Variants in AVL9 observed in about 807,000 individuals in gnomAD.
The protein encoded by AVL9 is AVL9 cell migration associated, also known as late secretory pathway protein AVL9 homolog.
A neutral mutation model predicts 79.2 loss-of-function variants in AVL9; 49 were observed. The ratio of observed to expected loss-of-function variants is 0.62; its 90% CI spans 0.49 to 0.79. AVL9 has a LOEUF of 0.79. Ranked by LOEUF, AVL9 falls within the 30% of genes least tolerant of loss-of-function variation. AVL9 has a pLI of 0.00. For synonymous variants in AVL9, 299 were observed against 280.6 expected (o/e 1.07, Z -0.65); for missense variants, 682 against 776.8 (o/e 0.88, Z 1.45).
intron 13 of AVL9, among the ~76,000 whole-genome samples, chr7:32,578,910 T>C (rs1318475209): frequency 6.6e-6 from 1 of 152,120 alleles, no homozygotes; most frequent in Non-Finnish European, 1.5e-5. Flanking sequence ...CTTTAACTCC[T>C]AAAGATTAGG....
At position 32,585,425 on chromosome 7, in the gene AVL9, C is replaced by G. The variant is rs921918224; in HGVS notation, c.*1518C>G. On this transcript the variant is annotated 3_prime_UTR_variant, in exon 16 of 16. Transcript: ENST00000318709. ...ACACAGCTGGACCTCGTGTGTTTGC[C>G]ATGCTCAGCTCTCATTTGCTTTTCA... The G allele has an allele frequency of 3.9e-5, 6 of 152,168 alleles. No individual in the cohort carries two copies. Among genetic ancestry groups the G allele is most frequent in the Non-Finnish European group, 5.9e-5 (4 of 68,044 alleles). The allele number at this position is 152,168 out of a possible 1,614,324, so 9.4% of individuals were successfully genotyped here. A position where few individuals can be genotyped will look rare whatever the true frequency, so the allele number is the denominator to read the frequency against.
At chr7:32,496,559 A>T (rs1008771057) in intron 1 of AVL9, among the ~76,000 whole-genome samples, 1 of 152,250 alleles carries the variant, frequency 6.6e-6, no homozygotes, top group Admixed American at 6.5e-5. Flanking sequence ...ATTGAAGGCA[A>T]GAGAACAAAA....
intron 1 of AVL9, among the ~76,000 whole-genome samples, chr7:32,541,065 C>T (rs1271401363): frequency 1.3e-5 from 2 of 151,592 alleles, no homozygotes; most frequent in Non-Finnish European, 2.9e-5. Flanking sequence ...CTACGTCTGG[C>T]TAATTTTTTG....
chr7:32,511,852 C>T (rs1184774327), intron 1 of AVL9, among the ~76,000 whole-genome samples: 5 of 152,036 alleles, frequency 3.3e-5, no homozygotes, highest in South Asian at 2.1e-4. Context: ...GGGTTGAGGC[C>T]GAGAAATTGG....
rs1264438095 is a variant in AVL9, at chr7:32,495,711, TGGAGAAGGCCA to T, written c.8_18del (p.Lys3_?6). ...CGTGCGGGCCCGCGGCGGCCGCCCATGGAGAAGGCCAGGAGAGGCGGGGATGGCGTCCCCCG... is the reference window on the plus strand; with the variant it reads ...CGTGCGGGCCCGCGGCGGCCGCCCATGGAGAGGCGGGGATGGCGTCCCCCG... On this transcript the variant is annotated frameshift_variant and start_lost, in exon 1 of 16. Coordinates refer to ENST00000318709, the MANE Select transcript of AVL9 (RefSeq NM_015060.3). LOFTEE classifies it high-confidence loss of function. The T allele has an allele frequency of 8.0e-7, 1 of 1,253,324 alleles. No homozygotes were observed. Among genetic ancestry groups the T allele is most frequent in the Admixed American group, 4.2e-5 (1 of 23,656 alleles). 77.6% of individuals were successfully genotyped at this position (1,253,324 alleles called of 1,614,324 possible).
At chr7:32,512,098 A>G (rs1787700381) in intron 1 of AVL9, among the ~76,000 whole-genome samples, 2 of 152,322 alleles carry the variant, frequency 1.3e-5, no homozygotes, top group South Asian at 4.1e-4. Flanking sequence ...GGCCCCATCA[A>G]TCAGGGAAAT....
intron 3 of AVL9, among the ~76,000 whole-genome samples, chr7:32,546,820 CAAAAAAATA>C (rs1292931145): frequency 5.3e-5 from 8 of 151,058 alleles, no homozygotes; most frequent in Non-Finnish European, 1.2e-4. Flanking sequence ...GAGACTCCCT[CAAAAAAATA>C]AAAAAAATAA....
intron 1 of AVL9, among the ~76,000 whole-genome samples, chr7:32,505,486 A>G (rs1165375913): frequency 2.6e-5 from 4 of 150,972 alleles, no homozygotes; most frequent in Non-Finnish European, 5.9e-5. Flanking sequence ...TCACGCCACT[A>G]TACTCCAGCC....
rs1791372446 is a variant in AVL9, at chr7:32,579,552, ATATATTATATTATATAT to A, written c.1689-656_1689-640del. On this transcript the variant is annotated intron_variant, in intron 13 of 15. Transcript: ENST00000318709. ...TATATTATATTATATATTATATATT[ATATATTATATTATATAT>A]TATATTATATATTATATATTATATA... Among the ~76,000 whole-genome samples, 3 of 4,962 alleles carry A rather than the reference ATATATTATATTATATAT, an allele frequency of 6.0e-4. 1 individual carries two copies. Among genetic ancestry groups the A allele is most frequent in the Non-Finnish European group, 9.5e-4 (3 of 3,148 alleles). The allele number at this position is 4,962 out of a possible 152,430, so 3.3% of individuals were successfully genotyped here. A position where few individuals can be genotyped will look rare whatever the true frequency, so the allele number is the denominator to read the frequency against.
chr7:32,505,464 A>C lies in AVL9; in HGVS notation c.93+9662A>C, dbSNP rs535570728. ...CTTGAAACCGGAAGGCGGAGGTTGC[A>C]GTGAGCTGAGATCACGCCACTATAC... is the stretch of plus-strand genomic sequence containing the variant. On this transcript the variant is annotated intron_variant, in intron 1 of 15. Transcript: ENST00000318709. Among the ~76,000 whole-genome samples the C allele has an allele frequency of 5.9e-3, 903 of 151,832 alleles. 5 individuals are homozygous for C. The highest frequency in any genetic ancestry group is 9.9e-3 in the Non-Finnish European group (673 of 67,944).
chr7:32,503,570 A>AC (rs1554332789), intron 1 of AVL9, among the ~76,000 whole-genome samples: 12 of 149,952 alleles, frequency 8.0e-5, no homozygotes, highest in Non-Finnish European at 1.2e-4. Context: ...GAAAAAAAAA[A>AC]AAAAAACTAG....
At position 32,580,216 on chromosome 7, in the gene AVL9, C is replaced by T; in HGVS notation, c.1689-3C>T. ...ATAGTTTAAACTCAAACTTTTTTTA[C>T]AGCCATCCATTTCAAGGCCAATACT... On this transcript the variant is annotated splice_region_variant and splice_polypyrimidine_tract_variant and intron_variant, in intron 13 of 15. Transcript: ENST00000318709. 1 of 1,608,912 alleles carries T rather than the reference C, an allele frequency of 6.2e-7. No individual in the cohort carries two copies. The highest frequency in any genetic ancestry group is 8.5e-7 in the Non-Finnish European group (1 of 1,177,652).
At chr7:32,558,185 A>T (rs2128141408) in intron 8 of AVL9, among the ~76,000 whole-genome samples, 1 of 143,088 alleles carries the variant, frequency 7.0e-6, no homozygotes, top group Admixed American at 7.2e-5. Context: ...TATGAGACAG[A>T]GTCTCGCTCT....
chr7:32,522,246 C>T (rs1456032448), intron 1 of AVL9, among the ~76,000 whole-genome samples: 1 of 152,150 alleles, frequency 6.6e-6, no homozygotes, highest in African/African-American at 2.4e-5. Flanking sequence ...CAGCTTGCAC[C>T]ATGTGCCTGG....
chr7:32,541,250 G>C lies in AVL9; in HGVS notation c.94-1891G>C, dbSNP rs990906762. 7.9e-5 allele frequency among the ~76,000 whole-genome samples: 12 copies of C among 151,990 alleles called. No individual in the cohort carries two copies. The East Asian group carries it at 2.3e-3, about 29-fold the overall frequency. ...TGTATTAAACTTTTTGGACCCTAAA[G>C]AGAAACATATTTCATGATGCATCAT... On this transcript the variant is annotated intron_variant, in intron 1 of 15. Transcript: ENST00000318709.
At chr7:32,540,410 T>A (rs922836611) in intron 1 of AVL9, among the ~76,000 whole-genome samples, 2 of 152,156 alleles carry the variant, frequency 1.3e-5, no homozygotes, top group Non-Finnish European at 2.9e-5. Flanking sequence ...CAGAAGTGGT[T>A]GGGGCTCTAC....
rs545033259 is a variant in AVL9 at position 32,553,985 on chromosome 7, A to T, written c.570+218A>T. Among the ~76,000 whole-genome samples, 4 of 152,314 alleles carry T rather than the reference A, an allele frequency of 2.6e-5. No individual in the cohort carries two copies. In the East Asian group the frequency reaches 7.7e-4, roughly 29 times the overall value. ...ATTGTAGAAATTTAAAAGAGCACAA[A>T]TACTGTTTACTTCTTTGCAGGATAG... is the stretch of plus-strand genomic sequence containing the variant. On this transcript the variant is annotated intron_variant, in intron 7 of 15. Coordinates refer to ENST00000318709, the MANE Select transcript of AVL9 (RefSeq NM_015060.3).
rs1224555974 is a variant in AVL9 at position 32,573,246 on chromosome 7, G to C, written c.1398G>C (p.Leu466=). The C allele has an allele frequency of 1.2e-6, 2 of 1,614,020 alleles. No homozygotes were observed. Among genetic ancestry groups the C allele is most frequent in the Non-Finnish European group, 8.5e-7 (1 of 1,180,008 alleles). ...IQIHDPELRK[L]LNPTTADLRF... is the part of the protein sequence containing the mutation. ...TCCATGATCCAGAACTCAGGAAGCT[G>C]CTTAACCCAACCACTGCAGACCTAA... Residue 466 remains leucine, a synonymous_variant, in exon 12 of 16, where the codon CTG becomes CTC. Transcript: ENST00000318709.
Position 32,586,605 on chromosome 7 carries a change from G to A in AVL9, c.*2698G>A, listed in dbSNP as rs565681636. 3 of 152,386 alleles carry A rather than the reference G, an allele frequency of 2.0e-5. No individual in the cohort carries two copies. The East Asian group carries it at 5.8e-4, about 29-fold the overall frequency. The allele number at this position is 152,386 out of a possible 1,614,324, so 9.4% of individuals were successfully genotyped here. A position where few individuals can be genotyped will look rare whatever the true frequency, so the allele number is the denominator to read the frequency against. On this transcript the variant is annotated 3_prime_UTR_variant, in exon 16 of 16. Coordinates refer to ENST00000318709, the MANE Select transcript of AVL9 (RefSeq NM_015060.3). Reference sequence around the variant, plus strand: ...GGTCATCTTCTGACATAGCCCTGGTGAAGGTGTGTGTGTGTTGGTGGCCAC... The same window carrying A: ...GGTCATCTTCTGACATAGCCCTGGTAAAGGTGTGTGTGTGTTGGTGGCCAC...
Sources: gnomAD v4.1 joint callset for allele counts (sites outside exome capture counted in the v4.1 genomes callset) on GRCh38, gnomAD v4.1.1 for gene constraint, MANE v1.5 for transcripts, NCBI Gene and HGNC (gene_info 2026-07-23, HGNC 2026-07-21) for gene names.